COL23A1: variants seen among roughly 807,000 people sequenced by gnomAD.
COL23A1 encodes the protein collagen type XXIII alpha 1 chain, also known as collagen alpha-1(XXIII) chain.
COL23A1 carries 97 observed loss-of-function variants against 99.3 expected under a neutral mutation model. The ratio of observed to expected loss-of-function variants is 0.98; its 90% CI spans 0.83 to 1.16. The LOEUF is 1.16. Ranked by LOEUF, COL23A1 falls within the 50% of genes most tolerant of loss-of-function variation. COL23A1 has a pLI of 0.00. For missense variants in COL23A1, 762 were observed against 757.4 expected, an observed-to-expected ratio of 1.01 and a Z score of -0.07; for synonymous variants, 320 against 308.2, an observed-to-expected ratio of 1.04 and a Z score of -0.40.
intron 2 of COL23A1, among the ~76,000 whole-genome samples, chr5:178,370,207 T>G (rs78531519): frequency 0.013 from 1,929 of 152,344 alleles, 40 homozygotes; most frequent in African/African-American, 0.04. Context: ...GAAAAGAGCA[T>G]GCTGGGGAGA....
At chr5:178,267,272 T>C (rs56289598) in intron 8 of COL23A1, 35 bp downstream of exon 8, 1,224 of 1,611,642 alleles carry the variant, frequency 7.6e-4, no homozygotes, top group Non-Finnish European at 8.5e-4. Context: ...AAACAAACCA[T>C]GTGGGCAGTG....
At chr5:178,574,489 C>G (rs1177236754) in intron 1 of COL23A1, among the ~76,000 whole-genome samples, 1 of 152,106 alleles carries the variant, frequency 6.6e-6, no homozygotes, top group Non-Finnish European at 1.5e-5. Context: ...GTGCCAGCCC[C>G]TCCATTTGTC....
At chr5:178,300,257 C>T (rs2913758) in intron 3 of COL23A1, among the ~76,000 whole-genome samples, 127,144 of 149,680 alleles carry the variant, frequency 0.85, 54,679 homozygotes, top group African/African-American at 0.94. Context: ...TTTTTTTTTT[C>T]AGTAGAGACC....
chr5:178,318,607 G>A (rs912423930), intron 2 of COL23A1, among the ~76,000 whole-genome samples: 2 of 152,212 alleles, frequency 1.3e-5, no homozygotes, highest in African/African-American at 4.8e-5. Flanking sequence ...GGCGACTCCA[G>A]AAAGGGGCTT....
chr5:178,256,365 A>G lies in COL23A1; in HGVS notation c.870T>C (p.Ala290=). ...GEPGHRGTDG[A]AGPRGAPGLK... ...GGCGGCAGCTTACCCGGGGCCCTGCAGCTCCATCCGTGCCTCGGTGGCCAG... is the reference window on the plus strand; with the variant it reads ...GGCGGCAGCTTACCCGGGGCCCTGCGGCTCCATCCGTGCCTCGGTGGCCAG... Residue 290 remains alanine, a synonymous_variant, in exon 15 of 29, where the codon GCT becomes GCC. Coordinates refer to ENST00000390654, the MANE Select transcript of COL23A1 (RefSeq NM_173465.4). 6.2e-7 allele frequency: 1 copy of G among 1,606,230 alleles called. No individual in the cohort carries two copies. The highest frequency in any genetic ancestry group is 8.5e-7 in the Non-Finnish European group (1 of 1,175,770).
chr5:178,525,999 C>T (rs1190782192), intron 2 of COL23A1, among the ~76,000 whole-genome samples: 4 of 152,238 alleles, frequency 2.6e-5, no homozygotes, highest in Non-Finnish European at 5.9e-5. Flanking sequence ...ATGGTAACAG[C>T]TTGAGGTAGT....
At chr5:178,287,801 C>T (rs1757237252) in intron 5 of COL23A1, among the ~76,000 whole-genome samples, 1 of 152,242 alleles carries the variant, frequency 6.6e-6, no homozygotes, top group Non-Finnish European at 1.5e-5. Flanking sequence ...CACAGCCACG[C>T]TGCGTCTTGC....
intron 8 of COL23A1, among the ~76,000 whole-genome samples, chr5:178,264,757 A>G (rs1424198728): frequency 6.6e-6 from 1 of 152,174 alleles, no homozygotes; most frequent in Non-Finnish European, 1.5e-5. Flanking sequence ...CCCGGGTTCA[A>G]GCGATTCTCC....
chr5:178,398,342 C>A (rs778841124), intron 2 of COL23A1, among the ~76,000 whole-genome samples: 8 of 152,134 alleles, frequency 5.3e-5, no homozygotes, highest in Admixed American at 2.0e-4. Flanking sequence ...TAAAAAAATT[C>A]TCAGCTGGGC....
intron 2 of COL23A1, among the ~76,000 whole-genome samples, chr5:178,474,941 G>A (rs1756949554): frequency 2.0e-5 from 3 of 152,222 alleles, no homozygotes; most frequent in Non-Finnish European, 4.4e-5. Context: ...CCCTCTGAAG[G>A]CTTAGGGGAG....
At chr5:178,401,903 C>A (rs1418844751) in intron 2 of COL23A1, among the ~76,000 whole-genome samples, 1 of 152,156 alleles carries the variant, frequency 6.6e-6, no homozygotes, top group Non-Finnish European at 1.5e-5. Context: ...GCAACCTCCA[C>A]CTCCCAGGTT....
chr5:178,328,265 C>G (rs187721643), intron 2 of COL23A1, among the ~76,000 whole-genome samples: 6 of 152,204 alleles, frequency 3.9e-5, no homozygotes, highest in South Asian at 2.1e-4. Context: ...CCTGTCCACA[C>G]GCCCCACTGC....
At chr5:178,360,077 T>C (rs1762095874) in intron 2 of COL23A1, among the ~76,000 whole-genome samples, 1 of 152,152 alleles carries the variant, frequency 6.6e-6, no homozygotes, top group Admixed American at 6.5e-5. Context: ...TCTTCCGTGG[T>C]CCCATAAGCT....
At chr5:178,271,033 G>A (rs1756257003) in intron 5 of COL23A1, among the ~76,000 whole-genome samples, 1 of 152,214 alleles carries the variant, frequency 6.6e-6, no homozygotes, top group Admixed American at 6.5e-5. Flanking sequence ...TAAAGCTGGA[G>A]AGAAGCCGAA....
At chr5:178,282,697 G>A (rs979424848) in intron 5 of COL23A1, among the ~76,000 whole-genome samples, 2 of 152,190 alleles carry the variant, frequency 1.3e-5, no homozygotes, top group African/African-American at 2.4e-5. Context: ...CGGCATGCAT[G>A]AGTGCGCACC....
At chr5:178,518,942 G>A (rs1185633849) in intron 2 of COL23A1, among the ~76,000 whole-genome samples, 1 of 92,876 alleles carries the variant, frequency 1.1e-5, no homozygotes, top group African/African-American at 4.8e-5. Flanking sequence ...CGGCGGCTGC[G>A]GTCGGTCGCG....
chr5:178,488,896 C>T (rs1364744450), intron 2 of COL23A1, among the ~76,000 whole-genome samples: 1 of 152,212 alleles, frequency 6.6e-6, no homozygotes, highest in Non-Finnish European at 1.5e-5. Flanking sequence ...GGTCAGCAAA[C>T]ACAGGAGCAG....
At position 178,589,912 on chromosome 5, in the gene COL23A1, G is replaced by T. The variant is rs1764180819; in HGVS notation, c.286C>A (p.Leu96Met). 7.6e-7 allele frequency: 1 copy of T among 1,316,550 alleles called. No homozygotes were observed. Among genetic ancestry groups the T allele is most frequent in the Non-Finnish European group, 9.6e-7 (1 of 1,038,782 alleles). The allele number at this position is 1,316,550 out of a possible 1,614,324, so 81.6% of individuals were successfully genotyped here. The change falls in exon 1 of 29, where the codon CTG becomes ATG. Residue 96 changes from leucine (L) to methionine (M), a missense_variant. Coordinates refer to ENST00000390654, the MANE Select transcript of COL23A1 (RefSeq NM_173465.4). This position sits in a 1 kb window ranked among gnomAD's most constrained non-coding sequence, Gnocchi z 5.4. ...AWAEPHLERL[L>M]REKLDGLAKI... is the part of the protein sequence containing the mutation. Reference sequence around the variant, plus strand: ...CGCGCCAAGACGCTCACCTCCCGCAGCAGGCGCTCCAGGTGCGGCTCGGCC... The same window carrying T: ...CGCGCCAAGACGCTCACCTCCCGCATCAGGCGCTCCAGGTGCGGCTCGGCC...
chr5:178,308,889 C>T lies in COL23A1; in HGVS notation c.362-1970G>A, dbSNP rs1322379211. Among the ~76,000 whole-genome samples, 8 of 152,136 alleles carry T rather than the reference C, an allele frequency of 5.3e-5. No homozygotes were observed. Among genetic ancestry groups the T allele is most frequent in the Non-Finnish European group, 1.0e-4 (7 of 68,016 alleles). On this transcript the variant is annotated intron_variant, in intron 2 of 28. Transcript: ENST00000390654. The surrounding 1 kb of genome is among the most constrained non-coding windows in gnomAD (Gnocchi z 5.1). ...TGAGAGCGAGGTACGGGAACGGGAG[C>T]CCCCCGGCACACGCAGCACCATGTT...
Sources: gnomAD v4.1 joint callset for allele counts (sites outside exome capture counted in the v4.1 genomes callset) on GRCh38, gnomAD v4.1.1 for gene constraint, Gnocchi (gnomAD v3.1) non-coding constraint, MANE v1.5 for transcripts, NCBI Gene and HGNC (gene_info 2026-07-23, HGNC 2026-07-21) for gene names.